The following DDX46 variants were observed in gnomAD, a reference collection of about 807,000 sequenced individuals.
DDX46 encodes DEAD-box helicase 46.
DDX46 carries 30 observed loss-of-function variants against 134.9 expected under a neutral mutation model. That is an observed-to-expected ratio of 0.22 (90% CI 0.17 to 0.30). The LOEUF (loss-of-function observed/expected upper bound fraction) is 0.30, where lower values mean the gene tolerates loss of function less well. DDX46 is among the 10% of genes least tolerant of loss of function. The pLI, the probability that DDX46 is intolerant of heterozygous loss-of-function variation, is 1.00. For synonymous variants in DDX46, 415 were observed against 404.1 expected, an observed-to-expected ratio of 1.03 and a Z score of -0.32; for missense variants, 622 against 1,248.7, an observed-to-expected ratio of 0.50 and a Z score of 7.56.
chr5:134,797,602 T>C (rs1754707122), intron 15 of DDX46, among the ~76,000 whole-genome samples: 1 of 152,124 alleles, frequency 6.6e-6, no homozygotes, highest in African/African-American at 2.4e-5. Context: ...CATATACAAA[T>C]AGGTTGGTTA....
chr5:134,792,881 G>C (rs1754544681), intron 13 of DDX46, among the ~76,000 whole-genome samples: 1 of 152,204 alleles, frequency 6.6e-6, no homozygotes, highest in Admixed American at 6.5e-5. Flanking sequence ...GAGGCTTGGC[G>C]TGGTGATGTA....
rs573481017 is a variant in DDX46, at chr5:134,828,710, T to A, written c.*4T>A. The A allele has an allele frequency of 6.6e-7, 1 of 1,504,022 alleles. No homozygotes were observed. The highest frequency in any genetic ancestry group is 1.5e-5 in the South Asian group (1 of 68,352). The allele number at this position is 1,504,022 out of a possible 1,614,324, so 93.2% of individuals were successfully genotyped here. ...AGGAAGATACAAAGTCTTATAGACA[T>A]CCGGAAAAAAGATTTTTACCTGTGC... On this transcript the variant is annotated 3_prime_UTR_variant, in exon 23 of 23. Coordinates refer to ENST00000452510, the MANE Select transcript of DDX46 (RefSeq NM_001300860.2).
chr5:134,783,915 C>T (rs1392361845), intron 9 of DDX46, among the ~76,000 whole-genome samples: 2 of 150,440 alleles, frequency 1.3e-5, no homozygotes, highest in Non-Finnish European at 3.0e-5. Context: ...CAACTCCTGG[C>T]CCCAAATGAT....
intron 12 of DDX46, chr5:134,790,115 T>C (rs538497961): frequency 2.1e-5 from 10 of 472,976 alleles, no homozygotes; most frequent in African/African-American, 1.4e-4. Flanking sequence ...GGTGATGCTG[T>C]CAGATAATGG....
At chr5:134,822,936 G>A (rs1462051784) in intron 21 of DDX46, among the ~76,000 whole-genome samples, 2 of 152,028 alleles carry the variant, frequency 1.3e-5, no homozygotes, top group African/African-American at 4.8e-5. Flanking sequence ...ATTATTTTAT[G>A]TAATTTTTAA....
chr5:134,764,167 T>G, intron 2 of DDX46, 75 bp downstream of exon 2: 1 of 1,445,740 alleles, frequency 6.9e-7, no homozygotes, highest in East Asian at 2.4e-5. Context: ...TCTTGAAAAG[T>G]ATGTTTTCAA....
intron 13 of DDX46, 60 bp from the exon 14 acceptor site, chr5:134,794,790 T>C: frequency 6.3e-7 from 1 of 1,582,940 alleles, no homozygotes; most frequent in Non-Finnish European, 8.6e-7. Context: ...GGTTTTAACA[T>C]TGCATAAGCT....
intron 15 of DDX46, among the ~76,000 whole-genome samples, chr5:134,799,653 G>A (rs576840139): frequency 2.0e-5 from 3 of 151,496 alleles, no homozygotes; most frequent in Admixed American, 6.6e-5. Flanking sequence ...CAGGAGAATC[G>A]CTTAATCCTG....
At chr5:134,803,556 CAA>C (rs1482734944) in intron 15 of DDX46, among the ~76,000 whole-genome samples, 1 of 152,168 alleles carries the variant, frequency 6.6e-6, no homozygotes, top group East Asian at 1.9e-4. Flanking sequence ...TGCCCCTAAG[CAA>C]AGAGTTTGAA....
intron 21 of DDX46, among the ~76,000 whole-genome samples, chr5:134,823,207 C>G (rs904414737): frequency 1.5e-5 from 2 of 137,316 alleles, no homozygotes; most frequent in African/African-American, 5.5e-5. Context: ...TGTCGCCAGG[C>G]TGGAGTGCAA....
chr5:134,786,124 C>T (rs1394663174), intron 11 of DDX46, among the ~76,000 whole-genome samples: 4 of 152,100 alleles, frequency 2.6e-5, no homozygotes, highest in African/African-American at 7.2e-5. Context: ...GTTGGGATTA[C>T]AGGTGTGAGC....
At chr5:134,768,040 G>A (rs1753633057) in intron 3 of DDX46, among the ~76,000 whole-genome samples, 1 of 151,624 alleles carries the variant, frequency 6.6e-6, no homozygotes, top group East Asian at 1.9e-4. Context: ...ACCATGTAAA[G>A]AGCCCAGAAA....
chr5:134,819,623 G>C (rs1266762112), intron 21 of DDX46, among the ~76,000 whole-genome samples: 1 of 151,944 alleles, frequency 6.6e-6, no homozygotes, highest in Non-Finnish European at 1.5e-5. Flanking sequence ...TCAACCTCCT[G>C]GGCTCAAGTG....
At chr5:134,764,881 C>T (rs1329069986) in intron 2 of DDX46, among the ~76,000 whole-genome samples, 1 of 150,704 alleles carries the variant, frequency 6.6e-6, no homozygotes, top group South Asian at 2.1e-4. Context: ...CTTCCACTCT[C>T]TCTCCCTTCC....
At chr5:134,761,017 C>T (rs1388690218) in intron 1 of DDX46, among the ~76,000 whole-genome samples, 2 of 151,820 alleles carry the variant, frequency 1.3e-5, no homozygotes, top group Admixed American at 6.6e-5. Flanking sequence ...GCGTGAGCCA[C>T]CGCACCCGGC....
rs191453880 is a variant in DDX46 at position 134,827,815 on chromosome 5, A to G, written c.3051+795A>G. On this transcript the variant is annotated intron_variant, in intron 22 of 22. Transcript: ENST00000452510. ...GGGGCTATTCTTATTTTTGGTTTTT[A>G]TGAACAACACTTCTGTGAACATTAT... Among the ~76,000 whole-genome samples the G allele has an allele frequency of 3.3e-3, 496 of 152,260 alleles. 3 individuals are homozygous for G. The highest frequency in any genetic ancestry group is 0.011 in the African/African-American group (474 of 41,550).
intron 16 of DDX46, among the ~76,000 whole-genome samples, chr5:134,809,407 G>T (rs1174707810): frequency 6.6e-6 from 1 of 152,024 alleles, no homozygotes; most frequent in Non-Finnish European, 1.5e-5. Context: ...TCGCTCTGTT[G>T]CCCAGACTGG....
At chr5:134,779,253 G>A (rs963480135) in intron 6 of DDX46, among the ~76,000 whole-genome samples, 2 of 151,958 alleles carry the variant, frequency 1.3e-5, no homozygotes, top group African/African-American at 2.4e-5. Context: ...GAGTTCAGTG[G>A]CACTATCTCT....
intron 20 of DDX46, 68 bp downstream of exon 20, chr5:134,817,782 C>G: frequency 7.6e-7 from 1 of 1,320,416 alleles, no homozygotes; most frequent in Non-Finnish European, 1.0e-6. Flanking sequence ...AAAATCTCAT[C>G]TTTAAAACCC....
Sources: gnomAD v4.1 joint callset for allele counts (sites outside exome capture counted in the v4.1 genomes callset) on GRCh38, gnomAD v4.1.1 for gene constraint, MANE v1.5 for transcripts, NCBI Gene and HGNC (gene_info 2026-07-23, HGNC 2026-07-21) for gene names.